The following ENTHD1 variants were observed in gnomAD, a reference collection of about 807,000 sequenced individuals.
ENTHD1 encodes the protein ENTH domain-containing protein 1.
A neutral mutation model predicts 39.1 loss-of-function variants in ENTHD1; 23 were observed. The observed-to-expected ratio is 0.59, with a 90% confidence interval of 0.42 to 0.83. The LOEUF (loss-of-function observed/expected upper bound fraction) is 0.83, where lower values mean the gene tolerates loss of function less well. Among genes scored for constraint, ENTHD1 ranks in the 40% least tolerant of loss-of-function variants. ENTHD1 has a pLI of 0.00. For synonymous variants in ENTHD1, 230 were observed against 258.2 expected (o/e 0.89, Z 1.05); for missense variants, 624 against 705.4 (o/e 0.88, Z 1.31).
rs4355207 is a variant in ENTHD1 at position 39,756,340 on chromosome 22, G to A, written c.1219+8883C>T. 6.7e-3 allele frequency among the ~76,000 whole-genome samples: 810 copies of A among 121,716 alleles called. 10 individuals carry two copies. The highest frequency in any genetic ancestry group is 0.022 in the African/African-American group (736 of 32,808). The allele number at this position is 121,716 out of a possible 152,430, so 79.9% of individuals were successfully genotyped here. ...CTCACACACACACACACACACACACGCACACACTTTTTCAGAGAGAGTCTC... is the reference window on the plus strand; with the variant it reads ...CTCACACACACACACACACACACACACACACACTTTTTCAGAGAGAGTCTC... On this transcript the variant is annotated intron_variant, in intron 6 of 6. Transcript: ENST00000325157.
At chr22:39,800,076 T>C (rs1470074614) in intron 5 of ENTHD1, among the ~76,000 whole-genome samples, 1 of 152,174 alleles carries the variant, frequency 6.6e-6, no homozygotes, top group Non-Finnish European at 1.5e-5. Context: ...CTCCCTATGC[T>C]AGTCTTGGGG....
chr22:39,763,992 C>A (rs1286400170), intron 6 of ENTHD1, among the ~76,000 whole-genome samples: 1 of 152,142 alleles, frequency 6.6e-6, no homozygotes, highest in Non-Finnish European at 1.5e-5. Context: ...AACTGAGAAT[C>A]AGTTTTACTA....
intron 1 of ENTHD1, among the ~76,000 whole-genome samples, chr22:39,891,187 C>T (rs1448959424): frequency 6.6e-6 from 1 of 152,216 alleles, no homozygotes; most frequent in Admixed American, 6.5e-5. Flanking sequence ...ACCGACCTCA[C>T]TAACTACTTA....
At chr22:39,828,112 A>G (rs2065840053) in intron 4 of ENTHD1, among the ~76,000 whole-genome samples, 1 of 152,226 alleles carries the variant, frequency 6.6e-6, no homozygotes, top group African/African-American at 2.4e-5. Context: ...TTGCAGAGCA[A>G]TACATATTGA....
At chr22:39,863,058 A>T (rs1010626637) in intron 2 of ENTHD1, among the ~76,000 whole-genome samples, 6 of 152,286 alleles carry the variant, frequency 3.9e-5, no homozygotes, top group Admixed American at 2.6e-4. Flanking sequence ...AGCCCTCACT[A>T]GACAACTGAA....
intron 5 of ENTHD1, among the ~76,000 whole-genome samples, chr22:39,771,142 A>G (rs570309220): frequency 6.6e-6 from 1 of 152,026 alleles, no homozygotes; most frequent in African/African-American, 2.4e-5. Flanking sequence ...AATTCTGTGT[A>G]TTGTATCATA....
Position 39,815,424 on chromosome 22 carries a change from C to A in ENTHD1, c.832+5569G>T, listed in dbSNP as rs1601613381. On this transcript the variant is annotated intron_variant, in intron 5 of 6. Transcript: ENST00000325157. ...TGCCATTGGACTCCAGCCTGGGCAA[C>A]AAGAGTGAAACTCCGTCTCAAAAAA... Among the ~76,000 whole-genome samples, 3 of 147,092 alleles carry A rather than the reference C, an allele frequency of 2.0e-5. No homozygotes were observed. In the Admixed American group the frequency reaches 2.1e-4, roughly 10 times the overall value.
intron 2 of ENTHD1, among the ~76,000 whole-genome samples, chr22:39,872,845 A>T (rs1044137270): frequency 3.9e-5 from 6 of 152,000 alleles, no homozygotes; most frequent in African/African-American, 1.4e-4. Context: ...CTTCTAGTAA[A>T]ATCACTTTTT....
intron 2 of ENTHD1, chr22:39,875,195 A>C: frequency 1.4e-6 from 1 of 718,982 alleles, no homozygotes; most frequent in Non-Finnish European, 1.9e-6. Context: ...CAGAAACATT[A>C]TGTTGAGAGA....
chr22:39,859,130 A>C (rs2066119254), intron 3 of ENTHD1, among the ~76,000 whole-genome samples: 2 of 152,202 alleles, frequency 1.3e-5, no homozygotes, highest in Admixed American at 1.3e-4. Flanking sequence ...GCTAGCTTCA[A>C]GATTTTCTTC....
chr22:39,779,346 TAAACCA>T (rs1279710511), intron 5 of ENTHD1, among the ~76,000 whole-genome samples: 4 of 151,564 alleles, frequency 2.6e-5, no homozygotes, highest in Admixed American at 6.6e-5. Flanking sequence ...GTCTCAAAAA[TAAACCA>T]AAACCAAAAC....
At chr22:39,784,887 C>T (rs559186834) in intron 5 of ENTHD1, among the ~76,000 whole-genome samples, 1 of 152,042 alleles carries the variant, frequency 6.6e-6, no homozygotes, top group South Asian at 2.1e-4. Flanking sequence ...CTATAGTTTA[C>T]AATAATCTAT....
intron 6 of ENTHD1, among the ~76,000 whole-genome samples, chr22:39,763,577 G>A (rs1194122283): frequency 6.6e-6 from 1 of 152,128 alleles, no homozygotes; most frequent in Non-Finnish European, 1.5e-5. Context: ...TAAGGTGACT[G>A]AGGGACTCAT....
chr22:39,794,524 C>T (rs958507375), intron 5 of ENTHD1, among the ~76,000 whole-genome samples: 2 of 151,666 alleles, frequency 1.3e-5, no homozygotes, highest in African/African-American at 4.8e-5. Context: ...CATCCTTGGC[C>T]GGGCGCAGTG....
chr22:39,754,271 C>T (rs2065168339), intron 6 of ENTHD1, among the ~76,000 whole-genome samples: 1 of 152,176 alleles, frequency 6.6e-6, no homozygotes, highest in African/African-American at 2.4e-5. Context: ...CCACCCACTG[C>T]CCTAATTCTA....
chr22:39,751,741 T>C (rs1439491372), intron 6 of ENTHD1, among the ~76,000 whole-genome samples: 1 of 152,192 alleles, frequency 6.6e-6, no homozygotes, highest in Non-Finnish European at 1.5e-5. Context: ...ATAGGTTGAG[T>C]CTTCTAAAAC....
chr22:39,811,675 C>T (rs532941006), intron 5 of ENTHD1, among the ~76,000 whole-genome samples: 1 of 152,288 alleles, frequency 6.6e-6, no homozygotes, highest in East Asian at 1.9e-4. Context: ...ATTCCACTGT[C>T]AAATCAAAAT....
intron 2 of ENTHD1, among the ~76,000 whole-genome samples, chr22:39,882,740 C>T (rs2066348523): frequency 6.6e-6 from 1 of 152,076 alleles, no homozygotes; most frequent in Non-Finnish European, 1.5e-5. Context: ...CACGGTGGCT[C>T]ACACCTGTAA....
At chr22:39,801,807 G>GT (rs58273369) in intron 5 of ENTHD1, among the ~76,000 whole-genome samples, 158 of 148,730 alleles carry the variant, frequency 1.1e-3, no homozygotes, top group African/African-American at 3.0e-3. Flanking sequence ...GTTTGTTGTG[G>GT]TTTTTTTTTT....
Sources: gnomAD v4.1 joint callset for allele counts (sites outside exome capture counted in the v4.1 genomes callset) on GRCh38, gnomAD v4.1.1 for gene constraint, MANE v1.5 for transcripts, NCBI Gene and HGNC (gene_info 2026-07-23, HGNC 2026-07-21) for gene names.